The following TMEM132C variants were observed in gnomAD, a reference collection of about 807,000 sequenced individuals.
The protein encoded by TMEM132C is transmembrane protein 132C, also known as protein phosphatase 1, regulatory subunit 152.
In TMEM132C, 29 loss-of-function variants were observed where a neutral mutation model predicts 61.4. That is an observed-to-expected ratio of 0.47 (90% CI 0.35 to 0.64). The LOEUF (loss-of-function observed/expected upper bound fraction) is 0.64, where lower values mean the gene tolerates loss of function less well. Among genes scored for constraint, TMEM132C ranks in the 30% least tolerant of loss-of-function variants. The pLI is 0.00. For missense variants in TMEM132C, 1,408 were observed against 1,476.9 expected (o/e 0.95, Z 0.76); for synonymous variants, 656 against 633.1 (o/e 1.04, Z -0.54).
intron 3 of TMEM132C, among the ~76,000 whole-genome samples, chr12:128,555,675 A>G (rs988773700): frequency 5.3e-5 from 8 of 151,748 alleles, no homozygotes; most frequent in Non-Finnish European, 1.2e-4. Context: ...GTTGACTGTT[A>G]AAGCCCAAGA....
rs1013612470 is a variant in TMEM132C at position 128,469,432 on chromosome 12, C to T, written c.974+53812C>T. ...CTGGGTTCAGGTGATCCTCCCACCT[C>T]AGCCTCCCAAGTAGCTGGGACTACA... On this transcript the variant is annotated intron_variant, in intron 2 of 8. Coordinates refer to ENST00000435159, the MANE Select transcript of TMEM132C (RefSeq NM_001136103.3). 6.6e-5 allele frequency among the ~76,000 whole-genome samples: 10 copies of T among 151,606 alleles called. No individual in the cohort carries two copies. In the East Asian group the frequency reaches 7.8e-4, roughly 12 times the overall value.
Position 128,592,045 on chromosome 12 carries a change from CA to C in TMEM132C, c.1122-24094del, listed in dbSNP as rs1165038921. Among the ~76,000 whole-genome samples, 19 of 50,976 alleles carry C rather than the reference CA, an allele frequency of 3.7e-4. No individual in the cohort carries two copies. The East Asian group carries it at 4.4e-3, about 12-fold the overall frequency. The allele number at this position is 50,976 out of a possible 152,430, so 33.4% of individuals were successfully genotyped here. ...CCAACCTGGGCGACAGAGTGAGACT[CA>C]AAAAAAAAAAAAGAAAAAAAAAAAA... On this transcript the variant is annotated intron_variant, in intron 3 of 8. Transcript: ENST00000435159.
At chr12:128,501,301 A>G (rs747737992) in intron 2 of TMEM132C, among the ~76,000 whole-genome samples, 1 of 152,172 alleles carries the variant, frequency 6.6e-6, no homozygotes, top group Admixed American at 6.5e-5. Flanking sequence ...CTGGTGGTCA[A>G]TTTTGAAATC....
chr12:128,575,079 A>G lies in TMEM132C; in HGVS notation c.1121+30976A>G, dbSNP rs150917434. 2.4e-3 allele frequency among the ~76,000 whole-genome samples: 370 copies of G among 152,312 alleles called. 1 individual carries two copies. Among genetic ancestry groups the G allele is most frequent in the Non-Finnish European group, 3.4e-3 (232 of 68,026 alleles). ...CTTTCTTTGTAATGTGGACAGTCCT[A>G]TGCTTTATCTTTCTCGGCAGTAGGA... On this transcript the variant is annotated intron_variant, in intron 3 of 8. Transcript: ENST00000435159.
At chr12:128,464,790 A>AAGAGAGAAAGAG (rs139973235) in intron 2 of TMEM132C, among the ~76,000 whole-genome samples, 159 of 137,324 alleles carry the variant, frequency 1.2e-3, no homozygotes, top group African/African-American at 1.5e-3. Flanking sequence ...GAAAGAGAGA[A>AAGAGAGAAAGAG]AGAGAGGGAG....
At chr12:128,462,668 T>G (rs1179006614) in intron 2 of TMEM132C, among the ~76,000 whole-genome samples, 1 of 152,218 alleles carries the variant, frequency 6.6e-6, no homozygotes, top group Non-Finnish European at 1.5e-5. Context: ...GTATTTTACT[T>G]CATTTAGAAA....
intron 1 of TMEM132C, among the ~76,000 whole-genome samples, chr12:128,398,881 T>A (rs1875052307): frequency 6.6e-6 from 1 of 152,226 alleles, no homozygotes; most frequent in African/African-American, 2.4e-5. Context: ...ACTTAACGGA[T>A]ATTTTTCCCC....
chr12:128,423,952 C>T (rs920474433), intron 2 of TMEM132C, among the ~76,000 whole-genome samples: 1 of 144,818 alleles, frequency 6.9e-6, no homozygotes, highest in African/African-American at 2.6e-5. Flanking sequence ...GGTGCTGAGG[C>T]AGGAGAATGG....
At chr12:128,509,311 A>G (rs1872495348) in intron 2 of TMEM132C, among the ~76,000 whole-genome samples, 1 of 151,740 alleles carries the variant, frequency 6.6e-6, no homozygotes. Flanking sequence ...GCGGGAGGGG[A>G]AGGAGGAAAG....
intron 3 of TMEM132C, among the ~76,000 whole-genome samples, chr12:128,605,837 C>T (rs1256410649): frequency 1.3e-5 from 2 of 152,202 alleles, no homozygotes; most frequent in Non-Finnish European, 2.9e-5. Flanking sequence ...GTGAAAGGGT[C>T]ATTGTCAGGT....
At chr12:128,693,235 G>C (rs993951604) in intron 5 of TMEM132C, among the ~76,000 whole-genome samples, 1 of 152,244 alleles carries the variant, frequency 6.6e-6, no homozygotes, top group African/African-American at 2.4e-5. Flanking sequence ...AAGGCACTAC[G>C]GGCCCTTTGC....
chr12:128,471,152 C>T (rs1248064052), intron 2 of TMEM132C, among the ~76,000 whole-genome samples: 3 of 152,180 alleles, frequency 2.0e-5, no homozygotes, highest in Non-Finnish European at 4.4e-5. Flanking sequence ...TCTGTGACAA[C>T]CAGATGTCTC....
At chr12:128,398,296 G>A (rs1304611493) in intron 1 of TMEM132C, among the ~76,000 whole-genome samples, 1 of 152,212 alleles carries the variant, frequency 6.6e-6, no homozygotes, top group Non-Finnish European at 1.5e-5. Flanking sequence ...AGACTGACCT[G>A]GGCATCAGCC....
At chr12:128,618,548 G>T (rs945184045) in intron 4 of TMEM132C, among the ~76,000 whole-genome samples, 1 of 152,130 alleles carries the variant, frequency 6.6e-6, no homozygotes, top group Non-Finnish European at 1.5e-5. Context: ...TTTAATTGTA[G>T]GTCCCATAAT....
chr12:128,483,905 T>C (rs80163961), intron 2 of TMEM132C, among the ~76,000 whole-genome samples: 5,512 of 152,276 alleles, frequency 0.036, 345 homozygotes, highest in African/African-American at 0.12. Flanking sequence ...CCCTCAAAGC[T>C]CATCGCTTCC....
intron 4 of TMEM132C, among the ~76,000 whole-genome samples, chr12:128,646,972 G>A (rs1366580424): frequency 6.6e-6 from 1 of 152,026 alleles, no homozygotes; most frequent in Admixed American, 6.5e-5. Flanking sequence ...ATGTGAGTGT[G>A]TTTACTGGAG....
At position 128,706,248 on chromosome 12, in the gene TMEM132C, C is replaced by G. The variant is rs1386045604; in HGVS notation, c.3280C>G (p.Pro1094Ala). The change falls in exon 9 of 9, where the codon CCC becomes GCC. Residue 1094 changes from proline (P) to alanine (A), a missense_variant. Coordinates refer to ENST00000435159, the MANE Select transcript of TMEM132C (RefSeq NM_001136103.3). ...GTGTCAAGACGTGGCTGTGGGTGCCCCCAAGGAACTTAGAAACTATCTGGA... is the reference window on the plus strand; with the variant it reads ...GTGTCAAGACGTGGCTGTGGGTGCCGCCAAGGAACTTAGAAACTATCTGGA... ...WVCQDVAVGA[P>A]KELRNYLEKL... is the part of the protein sequence containing the mutation. 17 of 1,550,584 alleles carry G rather than the reference C, an allele frequency of 1.1e-5. No homozygotes were observed. The highest frequency in any genetic ancestry group is 7.9e-6 in the Non-Finnish European group (9 of 1,146,432).
At chr12:128,355,624 A>G (rs1873478112) in intron 1 of TMEM132C, among the ~76,000 whole-genome samples, 1 of 151,544 alleles carries the variant, frequency 6.6e-6, no homozygotes, top group African/African-American at 2.4e-5. Flanking sequence ...AAGGCATGCT[A>G]TGTACTCTCT....
At chr12:128,406,410 G>A (rs916851766) in intron 1 of TMEM132C, among the ~76,000 whole-genome samples, 10 of 152,200 alleles carry the variant, frequency 6.6e-5, no homozygotes, top group Non-Finnish European at 1.5e-4. Context: ...GGAGCTTCCA[G>A]TCTGTTAGGG....
Sources: allele counts gnomAD v4.1 joint callset (sites outside exome capture counted in the v4.1 genomes callset), GRCh38; gene constraint gnomAD v4.1.1; transcripts MANE v1.5; gene names NCBI Gene and HGNC (gene_info 2026-07-23, HGNC 2026-07-21).